Variants in MCAM observed in about 807,000 individuals in gnomAD.
MCAM encodes cell surface glycoprotein MUC18.
A neutral mutation model predicts 79.1 loss-of-function variants in MCAM; 55 were observed. The ratio of observed to expected loss-of-function variants is 0.70; its 90% CI spans 0.56 to 0.87. The LOEUF (loss-of-function observed/expected upper bound fraction) is 0.87, where lower values mean the gene tolerates loss of function less well. MCAM is among the 40% of genes least tolerant of loss of function. The pLI is 0.00. For synonymous variants in MCAM, 330 were observed against 339.8 expected, an observed-to-expected ratio of 0.97 and a Z score of 0.32; for missense variants, 745 against 839.8, an observed-to-expected ratio of 0.89 and a Z score of 1.40.
rs1297504846 is a variant in MCAM at position 119,309,884 on chromosome 11, G to A, written c.*2C>T. On this transcript the variant is annotated 3_prime_UTR_variant, in exon 16 of 16. Transcript: ENST00000264036. ...AGGGAAGGGAGCTGAAGTGATTCGGGGCTAATGCCTCAGATCGATGTATTT... is the reference window on the plus strand; with the variant it reads ...AGGGAAGGGAGCTGAAGTGATTCGGAGCTAATGCCTCAGATCGATGTATTT... The A allele has an allele frequency of 7.5e-6, 12 of 1,600,300 alleles. No individual in the cohort carries two copies. In the Admixed American group the frequency reaches 1.7e-4, roughly 23 times the overall value.
Position 119,317,089 on chromosome 11 carries a change from T to C in MCAM, c.13A>G (p.Arg5Gly), listed in dbSNP as rs1209400645. MGLP[R>G]LVCAFLLAAC... is the part of the protein sequence containing the mutation. The stretch of plus-strand genomic sequence containing the variant: ...GCGAGCAAGAAGGCGCAGACCAGCC[T>C]GGGAAGCCCCATGCTTCCCGGCCGG... Residue 5 changes from arginine (R) to glycine (G), a missense_variant, in exon 1 of 16, where the codon AGG (arginine) becomes GGG (glycine). Arg to Gly is a moderately radical substitution (Grantham distance 125). Transcript: ENST00000264036. The surrounding 1 kb of genome is among the most constrained non-coding windows in gnomAD (Gnocchi z 6.2). 2 of 1,529,546 alleles carry C rather than the reference T, an allele frequency of 1.3e-6. No homozygotes were observed. The highest frequency in any genetic ancestry group is 8.8e-7 in the Non-Finnish European group (1 of 1,142,106). The allele number at this position is 1,529,546 out of a possible 1,614,324, so 94.7% of individuals were successfully genotyped here.
In MCAM at chr11:119,317,111, C is replaced by A; in HGVS notation, c.-10G>T. The A allele has an allele frequency of 6.6e-7, 1 of 1,521,922 alleles. No individual in the cohort carries two copies. Among genetic ancestry groups the A allele is most frequent in the Non-Finnish European group, 8.8e-7 (1 of 1,139,098 alleles). The allele number at this position is 1,521,922 out of a possible 1,614,324, so 94.3% of individuals were successfully genotyped here. A position where few individuals can be genotyped will look rare whatever the true frequency, so the allele number is the denominator to read the frequency against. Reference sequence around the variant, plus strand: ...GCCTGGGAAGCCCCATGCTTCCCGGCCGGAGGGCGAGAGCCAAGTGAGCAG... The same window carrying A: ...GCCTGGGAAGCCCCATGCTTCCCGGACGGAGGGCGAGAGCCAAGTGAGCAG... On this transcript the variant is annotated 5_prime_UTR_variant, in exon 1 of 16. Transcript: ENST00000264036. The surrounding 1 kb of genome is among the most constrained non-coding windows in gnomAD (Gnocchi z 6.2).
At chr11:119,310,730 G>T in intron 14 of MCAM, 26 bp downstream of exon 14, 2 of 1,607,922 alleles carry the variant, frequency 1.2e-6, no homozygotes, top group African/African-American at 1.3e-5. Flanking sequence ...AACGGGCGGG[G>T]GCGGAGGGGC....
chr11:119,310,912 C>CA lies in MCAM; in HGVS notation c.1646-10dup, dbSNP rs752501547. The CA allele has an allele frequency of 6.2e-7, 1 of 1,614,060 alleles. No individual in the cohort carries two copies. The highest frequency in any genetic ancestry group is 1.3e-5 in the African/African-American group (1 of 74,940). ...CTCCGGCAGCTTTCTCTCTGCGCCACAAAGACACTCCTCGTCACTCCCTGC... is the reference window on the plus strand; with the variant it reads ...CTCCGGCAGCTTTCTCTCTGCGCCACAAAAGACACTCCTCGTCACTCCCTGC... On this transcript the variant is annotated splice_polypyrimidine_tract_variant and intron_variant, in intron 13 of 15. Transcript: ENST00000264036.
Position 119,311,704 on chromosome 11 carries a change from C to G in MCAM, c.1286-53G>C. ...GCAAGCCCAGCTAGCCTGCCTCCCC[C>G]TCCGCACCAGAGCTCCCCAGGGCAG... On this transcript the variant is annotated intron_variant, in intron 10 of 15. Transcript: ENST00000264036. This position sits in a 1 kb window ranked among gnomAD's most constrained non-coding sequence, Gnocchi z 4.4. 2 of 1,611,986 alleles carry G rather than the reference C, an allele frequency of 1.2e-6. No individual in the cohort carries two copies. The highest frequency in any genetic ancestry group is 1.7e-6 in the Non-Finnish European group (2 of 1,178,692).
chr11:119,315,516 G>A lies in MCAM; in HGVS notation c.68-253C>T. 1 of 506,890 alleles carries A rather than the reference G, an allele frequency of 2.0e-6. No individual in the cohort carries two copies. Among genetic ancestry groups the A allele is most frequent in the Non-Finnish European group, 3.6e-6 (1 of 279,960 alleles). 31.4% of individuals were successfully genotyped at this position (506,890 alleles called of 1,614,324 possible). A position where few individuals can be genotyped will look rare whatever the true frequency, so the allele number is the denominator to read the frequency against. On this transcript the variant is annotated intron_variant, in intron 1 of 15. Transcript: ENST00000264036. The surrounding 1 kb of genome is among the most constrained non-coding windows in gnomAD (Gnocchi z 4.4). ...TGAGCACCGAACAGCTCCAGCTGAG[G>A]CTGGTAGAGGGGCAGAAAGGGGCAA...
At chr11:119,310,727 G>C (rs748697665) in intron 14 of MCAM, 29 bp downstream of exon 14, 107 of 1,605,240 alleles carry the variant, frequency 6.7e-5, no homozygotes, top group Non-Finnish European at 8.6e-5. Flanking sequence ...CAAAACGGGC[G>C]GGGGCGGAGG....
Position 119,309,502 on chromosome 11 carries a change from C to G in MCAM, c.*384G>C, listed in dbSNP as rs1415577736. 1 of 272,746 alleles carries G rather than the reference C, an allele frequency of 3.7e-6. No homozygotes were observed. The highest frequency in any genetic ancestry group is 2.2e-5 in the African/African-American group (1 of 46,248). 16.9% of individuals were successfully genotyped at this position (272,746 alleles called of 1,614,324 possible). ...AGTGGTGCACCTGGATGGTGGAAGC[C>G]AGCCTTTGGGGCAGGAAACCAGCTC... On this transcript the variant is annotated 3_prime_UTR_variant, in exon 16 of 16. Transcript: ENST00000264036.
At position 119,310,421 on chromosome 11, in the gene MCAM, CTT is replaced by C. The variant is rs762592393; in HGVS notation, c.1837_1838del (p.Lys613ValfsTer3). On this transcript the variant is annotated frameshift_variant, in exon 15 of 16. Transcript: ENST00000264036. LOFTEE classifies it high-confidence loss of function. ...SRKSELVVEV[K>X]SDKLPEEMGL... ...CCATCTCTTCTGGGAGCTTATCTGA[CTT>C]AACTTCAACTACAAGTTCGCTCTTA... The C allele has an allele frequency of 2.5e-6, 4 of 1,614,010 alleles. No homozygotes were observed. The highest frequency in any genetic ancestry group is 2.7e-5 in the African/African-American group (2 of 74,934).
At chr11:119,314,344 C>G (rs1433985001) in intron 5 of MCAM, 145 bp downstream of exon 5, 2 of 703,142 alleles carry the variant, frequency 2.8e-6, no homozygotes, top group African/African-American at 1.8e-5. Context: ...TCTGTAGAGA[C>G]AGGGTCACCC....
At chr11:119,310,687 C>T (rs1032612724) in intron 14 of MCAM, 69 bp downstream of exon 14, 12 of 1,536,514 alleles carry the variant, frequency 7.8e-6, no homozygotes, top group African/African-American at 6.8e-5. Context: ...AAGGGGCAGG[C>T]GGGCGCTGGG....
At chr11:119,313,169 T>A in intron 5 of MCAM, 1 of 1,511,098 alleles carries the variant, frequency 6.6e-7, no homozygotes. Flanking sequence ...TCCAAGGATG[T>A]GTGCAAAGAA....
chr11:119,314,449 C>A lies in MCAM; in HGVS notation c.559+40G>T, dbSNP rs564263759. The A allele has an allele frequency of 2.1e-4, 335 of 1,569,028 alleles. 4 individuals carry two copies. The South Asian group carries it at 3.6e-3, about 17-fold the overall frequency. On this transcript the variant is annotated intron_variant, in intron 5 of 15. Transcript: ENST00000264036. ...GAGATTACAGGTGTGAGCTACCACA[C>A]CTGGCCCAAGGGTGGCTTTTGGGAG...
At position 119,314,824 on chromosome 11, in the gene MCAM, G is replaced by GTCAC; in HGVS notation, c.400+5_400+8dup. 6.2e-7 allele frequency: 1 copy of GTCAC among 1,613,690 alleles called. No homozygotes were observed. Among genetic ancestry groups the GTCAC allele is most frequent in the Non-Finnish European group, 8.5e-7 (1 of 1,179,962 alleles). On this transcript the variant is annotated intron_variant, in intron 3 of 15. Coordinates refer to ENST00000264036, the MANE Select transcript of MCAM (RefSeq NM_006500.3). ...TCACTACCCTGCTGGCAGACACAGGGTCACGCACTGTAGACGCGGAGCTGG... is the reference window on the plus strand; with the variant it reads ...TCACTACCCTGCTGGCAGACACAGGGTCACTCACGCACTGTAGACGCGGAGCTGG...
Position 119,312,503 on chromosome 11 carries a change from G to A in MCAM, c.861+24C>T. ...TGGGTCTCTGCTTGCATCCCCACCT[G>A]CACCCAGCACAAAGCCCCCACACCT... On this transcript the variant is annotated intron_variant, in intron 7 of 15. Transcript: ENST00000264036. The surrounding 1 kb of genome is among the most constrained non-coding windows in gnomAD (Gnocchi z 4.9). 1.2e-6 allele frequency: 2 copies of A among 1,614,014 alleles called. No individual in the cohort carries two copies. Among genetic ancestry groups the A allele is most frequent in the Non-Finnish European group, 1.7e-6 (2 of 1,180,010 alleles).
chr11:119,311,936 A>G lies in MCAM; in HGVS notation c.1157T>C (p.Leu386Pro), dbSNP rs771568241. 2 of 1,613,700 alleles carry G rather than the reference A, an allele frequency of 1.2e-6. No individual in the cohort carries two copies. The highest frequency in any genetic ancestry group is 1.7e-6 in the Non-Finnish European group (2 of 1,179,974). ...CAACTGAAGCACAGGCCCCCTTTCC[A>G]GCACCTGGCCTGTCTGGGATGAGAG... is the stretch of plus-strand genomic sequence containing the variant. Reference protein sequence around the residue: ...QWLREETGQVLERGPVLQLHD... With the variant: ...QWLREETGQVPERGPVLQLHD... Residue 386 changes from leucine (L) to proline (P), a missense_variant, in exon 10 of 16, where the codon CTG (leucine) becomes CCG (proline). Leu to Pro is a moderately conservative substitution (Grantham distance 98). Coordinates refer to ENST00000264036, the MANE Select transcript of MCAM (RefSeq NM_006500.3). The surrounding 1 kb of genome is among the most constrained non-coding windows in gnomAD (Gnocchi z 4.4).
chr11:119,310,276 GAGAACCGTT>G, intron 15 of MCAM, 64 bp downstream of exon 15: 1 of 988,628 alleles, frequency 1.0e-6, no homozygotes, highest in South Asian at 1.3e-5. Flanking sequence ...GAAGGATAGA[GAGAACCGTT>G]AGTCCCTACT....
At position 119,316,636 on chromosome 11, in the gene MCAM, C is replaced by G. The variant is rs565734059; in HGVS notation, c.67+399G>C. On this transcript the variant is annotated intron_variant, in intron 1 of 15. Transcript: ENST00000264036. This position sits in a 1 kb window ranked among gnomAD's most constrained non-coding sequence, Gnocchi z 4.8. ...GCACCCCCTCCAGCGAAGGAAGCTG[C>G]CTTTTCCAGCAACAGGCGGGCGCGG... The G allele has an allele frequency of 1.7e-5, 3 of 174,234 alleles. No homozygotes were observed. In the South Asian group the frequency reaches 4.5e-4, roughly 26 times the overall value. 10.8% of individuals were successfully genotyped at this position (174,234 alleles called of 1,614,324 possible).
intron 5 of MCAM, chr11:119,313,230 A>G (rs1307027327): frequency 7.0e-7 from 1 of 1,418,860 alleles, no homozygotes; most frequent in Admixed American, 2.1e-5. Context: ...TAAATGGGGA[A>G]TGGTGAACTC....
Sources: gnomAD v4.1 joint callset for allele counts on GRCh38, gnomAD v4.1.1 for gene constraint, Gnocchi (gnomAD v3.1) non-coding constraint, MANE v1.5 for transcripts, NCBI Gene and HGNC (gene_info 2026-07-23, HGNC 2026-07-21) for gene names.